Variants in ZNF521 observed in about 807,000 individuals in gnomAD.
ZNF521 encodes LYST-interacting protein 3.
ZNF521 carries 14 observed loss-of-function variants against 105.5 expected under a neutral mutation model. The observed-to-expected ratio is 0.13, with a 90% CI of 0.09 to 0.21. The LOEUF is 0.21. ZNF521 is among the 10% of genes least tolerant of loss of function. ZNF521 has a pLI of 1.00. For synonymous variants in ZNF521, 635 were observed against 606.0 expected (o/e 1.05, Z -0.70); for missense variants, 1,233 against 1,629.7 (o/e 0.76, Z 4.19).
intron 3 of ZNF521, among the ~76,000 whole-genome samples, chr18:25,251,993 A>G (rs1908153986): frequency 1.3e-5 from 2 of 152,174 alleles, no homozygotes; most frequent in East Asian, 3.8e-4. Context: ...TTCTACTTGT[A>G]CCGTTTTCAA....
intron 2 of ZNF521, among the ~76,000 whole-genome samples, chr18:25,332,479 T>A (rs1352471209): frequency 6.6e-6 from 1 of 151,888 alleles, no homozygotes; most frequent in African/African-American, 2.4e-5. Flanking sequence ...TTAAAATACA[T>A]ACAACCCTAA....
intron 3 of ZNF521, among the ~76,000 whole-genome samples, chr18:25,319,240 A>C (rs1912803726): frequency 6.6e-6 from 1 of 152,348 alleles, no homozygotes; most frequent in Admixed American, 6.5e-5. Context: ...CAAATGAATA[A>C]GAAAGAATAT....
chr18:25,149,329 A>G (rs1352156645), intron 5 of ZNF521, among the ~76,000 whole-genome samples: 1 of 152,214 alleles, frequency 6.6e-6, no homozygotes, highest in Non-Finnish European at 1.5e-5. Context: ...TTCTTTCCTC[A>G]TAGAACTTTC....
At chr18:25,096,500 T>C (rs1292995711) in intron 5 of ZNF521, among the ~76,000 whole-genome samples, 1 of 152,192 alleles carries the variant, frequency 6.6e-6, no homozygotes, top group Non-Finnish European at 1.5e-5. Context: ...ACACTGACAT[T>C]TCAATATAAG....
At chr18:25,318,931 A>G (rs1912784032) in intron 3 of ZNF521, among the ~76,000 whole-genome samples, 1 of 151,912 alleles carries the variant, frequency 6.6e-6, no homozygotes, top group Non-Finnish European at 1.5e-5. Flanking sequence ...TTGTCCTCAT[A>G]AAGAACCAGG....
chr18:25,088,835 A>G (rs1397103898), intron 7 of ZNF521, among the ~76,000 whole-genome samples: 1 of 152,126 alleles, frequency 6.6e-6, no homozygotes, highest in African/African-American at 2.4e-5. Flanking sequence ...TAACAGCCCT[A>G]TAAGTGTGAT....
chr18:25,079,683 G>A (rs12971116), intron 7 of ZNF521, among the ~76,000 whole-genome samples: 2 of 152,060 alleles, frequency 1.3e-5, no homozygotes, highest in African/African-American at 4.8e-5. Flanking sequence ...GGGGGACGCA[G>A]GGTGCTCTCA....
intron 4 of ZNF521, among the ~76,000 whole-genome samples, chr18:25,205,841 C>T (rs890941131): frequency 6.6e-6 from 1 of 152,074 alleles, no homozygotes; most frequent in Non-Finnish European, 1.5e-5. Flanking sequence ...TCACAAATTT[C>T]AAAAGGATAA....
At position 25,251,636 on chromosome 18, in the gene ZNF521, G is replaced by T. The variant is rs117414740; in HGVS notation, c.221-23939C>A. Among the ~76,000 whole-genome samples, 208 of 152,270 alleles carry T rather than the reference G, an allele frequency of 1.4e-3. 2 individuals carry two copies. The East Asian group carries it at 0.031, about 23-fold the overall frequency. On this transcript the variant is annotated intron_variant, in intron 3 of 7. Transcript: ENST00000361524. ...CAATCAATACAAATGCAATATGTTA[G>T]TGATGACATTAGAGAAACAATGTCC...
chr18:25,067,683 A>ATTT (rs2033105120), intron 7 of ZNF521, among the ~76,000 whole-genome samples: 19 of 152,322 alleles, frequency 1.2e-4, no homozygotes, highest in Admixed American at 1.2e-3. Flanking sequence ...TTTTGCACCT[A>ATTT]CATCAATGAT....
At chr18:25,148,748 AAG>A (rs1303016898) in intron 5 of ZNF521, among the ~76,000 whole-genome samples, 1 of 152,110 alleles carries the variant, frequency 6.6e-6, no homozygotes, top group African/African-American at 2.4e-5. Flanking sequence ...TTAAAAAAAA[AAG>A]TCTTTTCACT....
At chr18:25,082,282 G>T (rs534098529) in intron 7 of ZNF521, among the ~76,000 whole-genome samples, 3 of 152,228 alleles carry the variant, frequency 2.0e-5, no homozygotes, top group Admixed American at 2.0e-4. Context: ...TCAGCCCCAA[G>T]AACAAGAGAT....
chr18:25,273,039 C>T (rs944649908), intron 3 of ZNF521, among the ~76,000 whole-genome samples: 1 of 151,180 alleles, frequency 6.6e-6, no homozygotes, highest in African/African-American at 2.4e-5. Flanking sequence ...CCAGCCTGGG[C>T]AACATGGCAA....
At position 25,227,288 on chromosome 18, in the gene ZNF521, C is replaced by T. The variant is rs1363435479; in HGVS notation, c.630G>A (p.Gly210=). ...KPYKCAICRR[G]FLSSSSLHGH... ...CGTGTAAGGAACTAGAGGACAGAAA[C>T]CCACGGCGACAAATGGCACATTTAT... The change falls in exon 4 of 8, where the codon GGG becomes GGA. Residue 210 remains glycine, a synonymous_variant. Transcript: ENST00000361524. The surrounding 1 kb of genome is among the most constrained non-coding windows in gnomAD (Gnocchi z 5.7). 1 of 1,614,162 alleles carries T rather than the reference C, an allele frequency of 6.2e-7. No individual in the cohort carries two copies. The highest frequency in any genetic ancestry group is 8.5e-7 in the Non-Finnish European group (1 of 1,180,028).
intron 5 of ZNF521, among the ~76,000 whole-genome samples, chr18:25,186,265 T>A (rs565195758): frequency 3.3e-5 from 5 of 152,202 alleles, no homozygotes; most frequent in African/African-American, 1.2e-4. Flanking sequence ...ATCTGAAATA[T>A]TAAGACATAA....
intron 5 of ZNF521, among the ~76,000 whole-genome samples, chr18:25,111,036 T>G (rs1375277415): frequency 6.6e-6 from 1 of 152,058 alleles, no homozygotes; most frequent in Non-Finnish European, 1.5e-5. Context: ...GTGCTGGAAT[T>G]ACAGGCGTGA....
chr18:25,345,438 T>C (rs1391137372), intron 2 of ZNF521: 1 of 152,384 alleles, frequency 6.6e-6, no homozygotes, highest in East Asian at 1.9e-4. Context: ...CATTTTTACA[T>C]GTATGCTTTT....
intron 3 of ZNF521, among the ~76,000 whole-genome samples, chr18:25,295,887 A>C (rs1212505229): frequency 6.6e-6 from 1 of 152,172 alleles, no homozygotes. Flanking sequence ...CATTTTCCCA[A>C]AGTGGTTCTA....
intron 3 of ZNF521, among the ~76,000 whole-genome samples, chr18:25,301,316 C>A (rs1339294220): frequency 6.6e-6 from 1 of 152,196 alleles, no homozygotes; most frequent in East Asian, 1.9e-4. Context: ...GCCCTCTGTA[C>A]CCTTCCACTC....
Sources: allele counts gnomAD v4.1 joint callset (sites outside exome capture counted in the v4.1 genomes callset), GRCh38; gene constraint gnomAD v4.1.1; non-coding constraint Gnocchi (gnomAD v3.1); transcripts MANE v1.5; gene names NCBI Gene and HGNC (gene_info 2026-07-23, HGNC 2026-07-21).